The following CDCA4 variants were observed in gnomAD, a reference collection of about 807,000 sequenced individuals.
CDCA4 encodes the protein cell division cycle-associated protein 4.
For synonymous variants in CDCA4, 130 were observed against 137.0 expected (o/e 0.95, Z 0.36); for missense variants, 294 against 322.1 (o/e 0.91, Z 0.67).
chr14:105,020,827 G>A (rs957972702), intron 1 of CDCA4, among the ~76,000 whole-genome samples, 172 bp downstream of exon 1: 3 of 151,820 alleles, frequency 2.0e-5, no homozygotes, highest in Admixed American at 6.6e-5. Context: ...GCGCCCAGGA[G>A]GGCGGCGAGG....
Position 105,010,785 on chromosome 14 carries a change from T to A in CDCA4, c.*419A>T, listed in dbSNP as rs1370562051. 1 of 167,498 alleles carries A rather than the reference T, an allele frequency of 6.0e-6. No homozygotes were observed. The highest frequency in any genetic ancestry group is 1.3e-5 in the Non-Finnish European group (1 of 78,784). 10.4% of individuals were successfully genotyped at this position (167,498 alleles called of 1,614,324 possible). A position where few individuals can be genotyped will look rare whatever the true frequency, so the allele number is the denominator to read the frequency against. On this transcript the variant is annotated 3_prime_UTR_variant, in exon 2 of 2. Transcript: ENST00000336219. ...ACTTTTAAGAAAATAGCTGAAAAAATCTAAAGAGATAAGGTATAAAAAGTT... is the reference window on the plus strand; with the variant it reads ...ACTTTTAAGAAAATAGCTGAAAAAAACTAAAGAGATAAGGTATAAAAAGTT...
At position 105,011,080 on chromosome 14, in the gene CDCA4, G is replaced by A; in HGVS notation, c.*124C>T. 8.3e-7 allele frequency: 1 copy of A among 1,204,844 alleles called. No homozygotes were observed. Among genetic ancestry groups the A allele is most frequent in the Admixed American group, 2.8e-5 (1 of 35,738 alleles). 74.6% of individuals were successfully genotyped at this position (1,204,844 alleles called of 1,614,324 possible). On this transcript the variant is annotated 3_prime_UTR_variant, in exon 2 of 2. Transcript: ENST00000336219. ...CCCCACTGGTAATGGGCTGTTCTGG[G>A]ATTTCTCAGAATCAGCAGACAGGGC...
intron 1 of CDCA4, among the ~76,000 whole-genome samples, chr14:105,017,830 CAAAAAAAAAACACACACACACAA>C (rs1886123312): frequency 1.4e-5 from 2 of 143,170 alleles, no homozygotes; most frequent in African/African-American, 2.5e-5. Flanking sequence ...GACTCCGTCT[CAAAAAAAAAACACACACACACAA>C]AAAAAACACT....
At chr14:105,018,357 T>C (rs918404285) in intron 1 of CDCA4, among the ~76,000 whole-genome samples, 3 of 152,156 alleles carry the variant, frequency 2.0e-5, no homozygotes, top group Admixed American at 6.5e-5. Context: ...CTGTTAATTC[T>C]GTGTTGTACC....
intron 1 of CDCA4, among the ~76,000 whole-genome samples, chr14:105,015,038 C>T (rs974382152): frequency 2.6e-5 from 4 of 152,186 alleles, no homozygotes; most frequent in Non-Finnish European, 5.9e-5. Flanking sequence ...ACAGAAGGAA[C>T]AAGAATACCA....
chr14:105,020,855 G>A (rs1886213729), intron 1 of CDCA4, 144 bp downstream of exon 1: 1 of 151,926 alleles, frequency 6.6e-6, no homozygotes, highest in Non-Finnish European at 1.5e-5. Flanking sequence ...GGCAGCCCCA[G>A]CGGTGGTCCC....
intron 1 of CDCA4, among the ~76,000 whole-genome samples, chr14:105,016,426 T>G (rs1900657061): frequency 6.6e-6 from 1 of 152,258 alleles, no homozygotes; most frequent in Non-Finnish European, 1.5e-5. Flanking sequence ...CTCGGCTCTT[T>G]ACTTACTAGG....
chr14:105,020,064 A>G (rs1886185454), intron 1 of CDCA4, among the ~76,000 whole-genome samples: 1 of 152,204 alleles, frequency 6.6e-6, no homozygotes. Context: ...TTTTCCCTGA[A>G]AACATGTTCC....
At chr14:105,019,364 A>G (rs1886166303) in intron 1 of CDCA4, among the ~76,000 whole-genome samples, 2 of 152,222 alleles carry the variant, frequency 1.3e-5, no homozygotes, top group Non-Finnish European at 2.9e-5. Context: ...CTACAGCAGC[A>G]GTGGCCACAC....
intron 1 of CDCA4, among the ~76,000 whole-genome samples, chr14:105,018,963 C>G (rs1011038798): frequency 1.3e-5 from 2 of 152,130 alleles, no homozygotes; most frequent in African/African-American, 4.8e-5. Context: ...TCTCGAACTC[C>G]TGAACTCAGG....
chr14:105,011,303 C>T lies in CDCA4; in HGVS notation c.627G>A (p.Gly209=), dbSNP rs1900493326. 1.2e-6 allele frequency: 2 copies of T among 1,613,920 alleles called. No individual in the cohort carries two copies. Among genetic ancestry groups the T allele is most frequent in the African/African-American group, 2.7e-5 (2 of 74,920 alleles). ...GGGTGGCCGGAGCCAAGCCCTCGAG[C>T]CCTTCGCAGGGGCCCGGCCTGGCAC... The part of the protein sequence containing the change: ...MGGARPGPCE[G]LEGLAPATPG... Residue 209 remains glycine (G), a synonymous_variant, in exon 2 of 2, where the codon GGG becomes GGA. Transcript: ENST00000336219.
chr14:105,016,545 T>C (rs1298473624), intron 1 of CDCA4, among the ~76,000 whole-genome samples: 1 of 152,250 alleles, frequency 6.6e-6, no homozygotes, highest in Non-Finnish European at 1.5e-5. Flanking sequence ...GCACACTTGC[T>C]GGTAAAGCTT....
rs764644055 is a variant in CDCA4, at chr14:105,011,901, C to T, written c.29G>A (p.Cys10Tyr). The T allele has an allele frequency of 1.1e-5, 18 of 1,612,574 alleles. No homozygotes were observed. The highest frequency in any genetic ancestry group is 1.5e-5 in the Non-Finnish European group (18 of 1,179,224). The change falls in exon 2 of 2, where the codon TGT becomes TAT. Residue 10 changes from cysteine to tyrosine, a missense_variant. Physicochemically the swap from Cys to Tyr is radical, Grantham distance 194. Coordinates refer to ENST00000336219, the MANE Select transcript of CDCA4 (RefSeq NM_017955.4). MFARGLKRK[C>Y]VGHEEDVEGA... ...CTCCACGTCTTCCTCGTGGCCAACA[C>T]ATTTCCTCTTCAGTCCTCGTGCAAA...
chr14:105,011,966 A>G, intron 1 of CDCA4, 31 bp from the exon 2 acceptor site: 1 of 1,567,714 alleles, frequency 6.4e-7, no homozygotes. Flanking sequence ...ACCACTTAGC[A>G]CACGGCAGAC....
Position 105,010,975 on chromosome 14 carries a change from G to C in CDCA4, c.*229C>G. 1 of 583,146 alleles carries C rather than the reference G, an allele frequency of 1.7e-6. No individual in the cohort carries two copies. The highest frequency in any genetic ancestry group is 3.0e-6 in the Non-Finnish European group (1 of 333,158). The allele number at this position is 583,146 out of a possible 1,614,324, so 36.1% of individuals were successfully genotyped here. ...GGGGCCCAGGGCTGTGGGGACGTCA[G>C]AAGACAAGAAGCCTTCCAGAACAGC... is the stretch of plus-strand genomic sequence containing the variant. On this transcript the variant is annotated 3_prime_UTR_variant, in exon 2 of 2. Coordinates refer to ENST00000336219, the MANE Select transcript of CDCA4 (RefSeq NM_017955.4).
At chr14:105,019,943 C>A (rs9652309) in intron 1 of CDCA4, among the ~76,000 whole-genome samples, 78,316 of 152,110 alleles carry the variant, frequency 0.51, 22,817 homozygotes, top group Non-Finnish European at 0.66. Context: ...GAACTCGGGA[C>A]CTCAGGAGAT....
At position 105,011,135 on chromosome 14, in the gene CDCA4, A is replaced by G; in HGVS notation, c.*69T>C. ...AGGCTGGGCCGCTGGCGGCAGGCGC[A>G]CCCTCCGTGGGAGCCAGTGCTCACG... On this transcript the variant is annotated 3_prime_UTR_variant, in exon 2 of 2. Coordinates refer to ENST00000336219, the MANE Select transcript of CDCA4 (RefSeq NM_017955.4). 4 of 1,508,468 alleles carry G rather than the reference A, an allele frequency of 2.7e-6. No homozygotes were observed. The highest frequency in any genetic ancestry group is 2.2e-5 in the Admixed American group (1 of 45,334). 93.4% of individuals were successfully genotyped at this position (1,508,468 alleles called of 1,614,324 possible).
chr14:105,012,898 T>C (rs1900544970), intron 1 of CDCA4, among the ~76,000 whole-genome samples: 1 of 149,950 alleles, frequency 6.7e-6, no homozygotes, highest in Non-Finnish European at 1.5e-5. Context: ...TCAACTCCTT[T>C]CTCTTCAAAG....
chr14:105,015,508 G>A (rs1242025830), intron 1 of CDCA4, among the ~76,000 whole-genome samples: 1 of 41,054 alleles, frequency 2.4e-5, no homozygotes, highest in Non-Finnish European at 1.2e-4. Context: ...AAGCCTGGCT[G>A]CTTTCTCTAG....
Sources: gnomAD v4.1 joint callset for allele counts (sites outside exome capture counted in the v4.1 genomes callset) on GRCh38, gnomAD v4.1.1 for gene constraint, MANE v1.5 for transcripts, NCBI Gene and HGNC (gene_info 2026-07-23, HGNC 2026-07-21) for gene names.